ANXA3: variants seen among roughly 807,000 people sequenced by gnomAD.
The protein encoded by ANXA3 is 35-alpha calcimedin.
ANXA3 carries 46 observed loss-of-function variants against 48.8 expected under a neutral mutation model. The observed-to-expected ratio is 0.94, with a 90% confidence interval of 0.74 to 1.21. The LOEUF is 1.21. ANXA3 is among the 50% of genes most tolerant of loss of function. ANXA3 has a pLI of 0.00. For synonymous variants in ANXA3, 128 were observed against 134.7 expected, an observed-to-expected ratio of 0.95 and a Z score of 0.35; for missense variants, 383 against 378.6, an observed-to-expected ratio of 1.01 and a Z score of -0.10.
chr4:78,555,003 T>A (rs1722481285), intron 2 of ANXA3, among the ~76,000 whole-genome samples: 1 of 152,070 alleles, frequency 6.6e-6, no homozygotes, highest in Non-Finnish European at 1.5e-5. Context: ...GCCAGGAGTT[T>A]GAGACCAGCC....
At chr4:78,606,471 G>C (rs897308037) in intron 12 of ANXA3, among the ~76,000 whole-genome samples, 1 of 152,136 alleles carries the variant, frequency 6.6e-6, no homozygotes, top group African/African-American at 2.4e-5. Flanking sequence ...CTACCTCTGT[G>C]GGGGAGCTTA....
chr4:78,575,377 A>G (rs1048772171), intron 3 of ANXA3, among the ~76,000 whole-genome samples: 1 of 151,996 alleles, frequency 6.6e-6, no homozygotes, highest in African/African-American at 2.4e-5. Flanking sequence ...TGTAGCTTCC[A>G]TAATTCCCAC....
chr4:78,560,080 C>T (rs946648880), intron 2 of ANXA3, among the ~76,000 whole-genome samples: 1 of 152,138 alleles, frequency 6.6e-6, no homozygotes, highest in Admixed American at 6.5e-5. Context: ...GTCATGTCCT[C>T]AATCAGATTC....
intron 6 of ANXA3, among the ~76,000 whole-genome samples, chr4:78,590,766 A>T (rs185281726): frequency 2.0e-5 from 3 of 152,208 alleles, no homozygotes; most frequent in Admixed American, 6.5e-5. Flanking sequence ...ATATGGTTTA[A>T]TTATATTCAT....
intron 7 of ANXA3, among the ~76,000 whole-genome samples, chr4:78,594,954 C>T (rs1020974396): frequency 6.6e-6 from 1 of 152,124 alleles, no homozygotes; most frequent in Non-Finnish European, 1.5e-5. Flanking sequence ...GGCAACATAG[C>T]GAGATCCCAT....
intron 2 of ANXA3, among the ~76,000 whole-genome samples, chr4:78,558,745 C>T (rs958752762): frequency 6.6e-6 from 1 of 152,190 alleles, no homozygotes; most frequent in African/African-American, 2.4e-5. Flanking sequence ...ATATGTTCTA[C>T]CACTTCACCC....
intron 2 of ANXA3, among the ~76,000 whole-genome samples, chr4:78,560,242 T>C (rs1379025833): frequency 1.3e-5 from 2 of 152,196 alleles, no homozygotes; most frequent in Non-Finnish European, 2.9e-5. Context: ...TTCCACAGGA[T>C]TAAGGGTTCA....
chr4:78,604,428 A>G, intron 12 of ANXA3, 29 bp downstream of exon 12: 1 of 1,577,244 alleles, frequency 6.3e-7, no homozygotes. Context: ...ATAGCAAAAC[A>G]TATTTTGCCC....
intron 2 of ANXA3, among the ~76,000 whole-genome samples, chr4:78,567,164 C>T (rs907880106): frequency 2.0e-5 from 3 of 152,232 alleles, no homozygotes; most frequent in South Asian, 2.1e-4. Context: ...CTGTAGGAAC[C>T]GCTTGGTTAC....
chr4:78,595,328 GT>G, intron 7 of ANXA3, 52 bp from the exon 8 acceptor site: 1 of 1,591,260 alleles, frequency 6.3e-7, no homozygotes, highest in Admixed American at 1.7e-5. Flanking sequence ...AGTACTATGT[GT>G]TAGAATCTTC....
At chr4:78,570,066 A>G (rs1722812938) in intron 2 of ANXA3, among the ~76,000 whole-genome samples, 1 of 152,252 alleles carries the variant, frequency 6.6e-6, no homozygotes, top group African/African-American at 2.4e-5. Flanking sequence ...TGGGCAACCA[A>G]GTCTATCAAA....
chr4:78,598,292 CT>C lies in ANXA3; in HGVS notation c.730+890del, dbSNP rs57940281. On this transcript the variant is annotated intron_variant, in intron 10 of 12. Coordinates refer to ENST00000264908, the MANE Select transcript of ANXA3 (RefSeq NM_005139.3). ...TCAGTGGCTTTTCTTTTCTTTCTTT[CT>C]TTTTTTTTTTTCTTTTGAGATGGAG... 1.4e-3 allele frequency among the ~76,000 whole-genome samples: 201 copies of C among 143,538 alleles called. 1 individual carries two copies. The highest frequency in any genetic ancestry group is 2.7e-3 in the African/African-American group (105 of 39,300). 94.2% of individuals were successfully genotyped at this position (143,538 alleles called of 152,430 possible).
At chr4:78,605,031 A>C (rs953327324) in intron 12 of ANXA3, among the ~76,000 whole-genome samples, 5 of 152,262 alleles carry the variant, frequency 3.3e-5, no homozygotes, top group Non-Finnish European at 7.3e-5. Flanking sequence ...TTTGACAAAT[A>C]TTACTAATTG....
chr4:78,567,417 G>T (rs1239621894), intron 2 of ANXA3, among the ~76,000 whole-genome samples: 4 of 152,134 alleles, frequency 2.6e-5, no homozygotes, highest in Non-Finnish European at 1.5e-5. Context: ...ATCCCCATAG[G>T]TTCTTAGTTG....
rs888256069 is a variant in ANXA3 at position 78,551,816 on chromosome 4, G to T, written c.-82G>T. ...CGGCTGACACCTTCGCTCGCAGTTT[G>T]TTCGCAGTTTACTCGCACACCAGTT... is the stretch of plus-strand genomic sequence containing the variant. On this transcript the variant is annotated 5_prime_UTR_variant, in exon 1 of 13. Coordinates refer to ENST00000264908, the MANE Select transcript of ANXA3 (RefSeq NM_005139.3). 3.3e-5 allele frequency: 5 copies of T among 152,310 alleles called. No individual in the cohort carries two copies. Among genetic ancestry groups the T allele is most frequent in the African/African-American group, 1.2e-4 (5 of 41,470 alleles). The allele number at this position is 152,310 out of a possible 1,614,324, so 9.4% of individuals were successfully genotyped here.
At chr4:78,601,330 T>C (rs1723530666) in intron 10 of ANXA3, among the ~76,000 whole-genome samples, 180 bp from the exon 11 acceptor site, 1 of 152,226 alleles carries the variant, frequency 6.6e-6, no homozygotes, top group African/African-American at 2.4e-5. Flanking sequence ...AAATATGGTA[T>C]TAAAAGGCTA....
intron 7 of ANXA3, among the ~76,000 whole-genome samples, chr4:78,592,368 G>C (rs1296677625): frequency 6.6e-6 from 1 of 152,208 alleles, no homozygotes; most frequent in Non-Finnish European, 1.5e-5. Context: ...CCTCATGGTT[G>C]AAACAGCACC....
chr4:78,597,860 C>T (rs1197306712), intron 10 of ANXA3, among the ~76,000 whole-genome samples: 2 of 152,166 alleles, frequency 1.3e-5, no homozygotes, highest in African/African-American at 2.4e-5. Context: ...GCAATCCATC[C>T]ACCTCAGCCT....
At chr4:78,585,277 T>C (rs1429860203) in intron 5 of ANXA3, among the ~76,000 whole-genome samples, 1 of 152,232 alleles carries the variant, frequency 6.6e-6, no homozygotes, top group Admixed American at 6.5e-5. Flanking sequence ...ATCCAGGCTG[T>C]GGTGGCACCA....
Sources: allele counts gnomAD v4.1 joint callset (sites outside exome capture counted in the v4.1 genomes callset), GRCh38; gene constraint gnomAD v4.1.1; transcripts MANE v1.5; gene names NCBI Gene and HGNC (gene_info 2026-07-23, HGNC 2026-07-21).